The following CELF2 variants were observed in gnomAD, a reference collection of about 807,000 sequenced individuals.
CELF2 encodes CUG triplet repeat RNA-binding protein 2.
Under a neutral mutation model 62.6 loss-of-function variants are expected in CELF2, and 8 were observed. That is an observed-to-expected ratio of 0.13 (90% confidence interval 0.07 to 0.23). The LOEUF (loss-of-function observed/expected upper bound fraction) is 0.23. Ranked by LOEUF, CELF2 falls within the 10% of genes least tolerant of loss-of-function variation. The pLI, the probability that CELF2 is intolerant of heterozygous loss-of-function variation, is 1.00. For synonymous variants in CELF2, 258 were observed against 250.0 expected (o/e 1.03, Z -0.30); for missense variants, 333 against 671.0 (o/e 0.50, Z 5.56).
At chr10:10,484,114 T>TCC in the CELF2 span, among the ~76,000 whole-genome samples, 1 of 12,896 alleles carries the variant, frequency 7.8e-5, no homozygotes, top group African/African-American at 3.6e-4. Context: ...CTCCTCTCTC[T>TCC]CTCCCTCCCC....
intron 1 of CELF2, among the ~76,000 whole-genome samples, chr10:10,892,405 G>C (rs1421739448): frequency 1.3e-5 from 2 of 151,996 alleles, no homozygotes; most frequent in Non-Finnish European, 2.9e-5. Flanking sequence ...GCCTGACCTG[G>C]AGCACACACT....
rs1245758040 is a variant in CELF2 at position 11,328,784 on chromosome 10, G to A, written c.1439-142G>A. 10 of 847,508 alleles carry A rather than the reference G, an allele frequency of 1.2e-5. No homozygotes were observed. The highest frequency in any genetic ancestry group is 4.0e-4 in the Middle Eastern group (1 of 2,484). The allele number at this position is 847,508 out of a possible 1,614,324, so 52.5% of individuals were successfully genotyped here. A position where few individuals can be genotyped will look rare whatever the true frequency, so the allele number is the denominator to read the frequency against. ...CATCATCCACTCACGGTGGACTCAC[G>A]ATCAGTTCCGCAGAGCTGTGCTGGG... On this transcript the variant is annotated intron_variant, in intron 12 of 12. Transcript: ENST00000633077. This position sits in a 1 kb window ranked among gnomAD's most constrained non-coding sequence, Gnocchi z 6.4.
chr10:11,279,299 G>A (rs2087374575), intron 8 of CELF2, among the ~76,000 whole-genome samples: 1 of 152,176 alleles, frequency 6.6e-6, no homozygotes, highest in Non-Finnish European at 1.5e-5. Flanking sequence ...ACATTATGGA[G>A]TGCAAATATT....
chr10:10,696,115 GT>G, the CELF2 span, among the ~76,000 whole-genome samples: 1 of 152,070 alleles, frequency 6.6e-6, no homozygotes, highest in African/African-American at 2.4e-5. Context: ...TTTCTGTTCT[GT>G]TTTTTCCCCA....
chr10:10,777,245 C>T, the CELF2 span, among the ~76,000 whole-genome samples: 1 of 152,200 alleles, frequency 6.6e-6, no homozygotes, highest in African/African-American at 2.4e-5. Context: ...TCACCTCCAT[C>T]CAGAGCTCTG....
At chr10:11,006,381 T>C (rs1258676660) in intron 1 of CELF2, among the ~76,000 whole-genome samples, 1 of 152,234 alleles carries the variant, frequency 6.6e-6, no homozygotes, top group Non-Finnish European at 1.5e-5. Flanking sequence ...TTCATAGAGC[T>C]TTTTGCATTC....
the CELF2 span, among the ~76,000 whole-genome samples, chr10:10,759,328 A>G: frequency 3.0e-5 from 2 of 67,258 alleles, no homozygotes; most frequent in African/African-American, 5.8e-5. Flanking sequence ...TTTTTTTTTG[A>G]GATGAAGTCT....
In CELF2 at chr10:11,159,935, G is replaced by T. The variant is rs1012012661; in HGVS notation, c.75-5551G>T. 2.0e-5 allele frequency among the ~76,000 whole-genome samples: 3 copies of T among 152,192 alleles called. No individual in the cohort carries two copies. Among genetic ancestry groups the T allele is most frequent in the African/African-American group, 7.2e-5 (3 of 41,450 alleles). ...ATTAAGAAGAGCATTGGCATACCTG[G>T]CAAGAGATGGGGCTCTCGCAGCACC... On this transcript the variant is annotated intron_variant, in intron 1 of 12. Coordinates refer to ENST00000633077, the MANE Select transcript of CELF2 (RefSeq NM_001326342.2). This position sits in a 1 kb window ranked among gnomAD's most constrained non-coding sequence, Gnocchi z 5.0.
At chr10:11,144,311 T>G (rs1279656958) in intron 1 of CELF2, among the ~76,000 whole-genome samples, 1 of 152,114 alleles carries the variant, frequency 6.6e-6, no homozygotes, top group African/African-American at 2.4e-5. Flanking sequence ...AATACACAAA[T>G]AGTAGTTCGA....
At chr10:10,678,021 T>C in the CELF2 span, among the ~76,000 whole-genome samples, 1 of 152,196 alleles carries the variant, frequency 6.6e-6, no homozygotes, top group Non-Finnish European at 1.5e-5. Flanking sequence ...AGTGTATATG[T>C]ATTACTCTGC....
chr10:10,756,219 G>A, the CELF2 span, among the ~76,000 whole-genome samples: 1 of 152,146 alleles, frequency 6.6e-6, no homozygotes, highest in African/African-American at 2.4e-5. Flanking sequence ...TTTGGCAGAT[G>A]ACTATTACAC....
intron 1 of CELF2, among the ~76,000 whole-genome samples, chr10:10,833,105 A>G (rs1224504598): frequency 2.0e-5 from 3 of 151,432 alleles, no homozygotes; most frequent in African/African-American, 4.9e-5. Flanking sequence ...GAAAGATGTC[A>G]TTTCTTACCT....
the CELF2 span, among the ~76,000 whole-genome samples, chr10:10,586,827 A>G: frequency 6.6e-6 from 1 of 152,168 alleles, no homozygotes; most frequent in Non-Finnish European, 1.5e-5. Context: ...TATTTTGAAC[A>G]CGTTTTCCTG....
At chr10:10,675,098 G>A in the CELF2 span, among the ~76,000 whole-genome samples, 1 of 152,056 alleles carries the variant, frequency 6.6e-6, no homozygotes, top group Non-Finnish European at 1.5e-5. Context: ...TTATTTATGT[G>A]GATCTGAGTT....
chr10:10,803,870 T>C (rs1255603779), intron 1 of CELF2, among the ~76,000 whole-genome samples: 1 of 152,218 alleles, frequency 6.6e-6, no homozygotes, highest in Non-Finnish European at 1.5e-5. Context: ...TCTCTTATCC[T>C]ACTTTATACT....
chr10:11,035,698 G>A (rs1280802189), intron 1 of CELF2, among the ~76,000 whole-genome samples: 1 of 152,184 alleles, frequency 6.6e-6, no homozygotes, highest in Non-Finnish European at 1.5e-5. Flanking sequence ...AAATATGTGT[G>A]TTTGAAATTG....
the CELF2 span, among the ~76,000 whole-genome samples, chr10:10,504,496 C>G: frequency 6.6e-6 from 1 of 152,072 alleles, no homozygotes; most frequent in African/African-American, 2.4e-5. Context: ...AGATGTTTAT[C>G]TTTCATTTTC....
the CELF2 span, among the ~76,000 whole-genome samples, chr10:10,730,431 C>T: frequency 3.3e-5 from 5 of 152,092 alleles, no homozygotes; most frequent in African/African-American, 9.7e-5. Flanking sequence ...GAGCCAAGAT[C>T]GTGCCACTGC....
rs115582102 is a variant in CELF2, at chr10:11,280,599, C to T, written c.841+5479C>T. ...CTGGGGCCAAGACAGTCCCCACGCTCTTCTCGCCCCGGGTTATTACTGTGG... is the reference window on the plus strand; with the variant it reads ...CTGGGGCCAAGACAGTCCCCACGCTTTTCTCGCCCCGGGTTATTACTGTGG... On this transcript the variant is annotated intron_variant, in intron 8 of 12. Transcript: ENST00000633077. The surrounding 1 kb of genome is among the most constrained non-coding windows in gnomAD (Gnocchi z 7.6). 5.4e-3 allele frequency among the ~76,000 whole-genome samples: 820 copies of T among 152,330 alleles called. 6 individuals carry two copies. The highest frequency in any genetic ancestry group is 0.019 in the African/African-American group (785 of 41,574).
Sources: allele counts gnomAD v4.1 joint callset (sites outside exome capture counted in the v4.1 genomes callset), GRCh38; gene constraint gnomAD v4.1.1; non-coding constraint Gnocchi (gnomAD v3.1); transcripts MANE v1.5; gene names NCBI Gene and HGNC (gene_info 2026-07-23, HGNC 2026-07-21).